CPAMD8: variants seen among roughly 807,000 people sequenced by gnomAD.
The protein encoded by CPAMD8 is C3 and PZP like alpha-2-macroglobulin domain containing 8, also known as C3 and PZP-like alpha-2-macroglobulin domain-containing protein 8.
Under a neutral mutation model 224.7 loss-of-function variants are expected in CPAMD8, and 146 were observed. That is an observed-to-expected ratio of 0.65 (90% CI 0.57 to 0.75). CPAMD8 has a LOEUF of 0.75. Ranked by LOEUF, CPAMD8 falls within the 30% of genes least tolerant of loss-of-function variation. CPAMD8 has a pLI of 0.00. For synonymous variants in CPAMD8, 966 were observed against 1,044.6 expected (o/e 0.92, Z 1.45); for missense variants, 2,301 against 2,537.5 (o/e 0.91, Z 2.00).
At chr19:16,973,637 C>G (rs2055143641) in intron 17 of CPAMD8, among the ~76,000 whole-genome samples, 1 of 151,928 alleles carries the variant, frequency 6.6e-6, no homozygotes, top group African/African-American at 2.4e-5. Flanking sequence ...GCGTGAGACA[C>G]CACACCTGGC....
intron 3 of CPAMD8, among the ~76,000 whole-genome samples, chr19:17,013,880 C>T (rs1289636590): frequency 1.8e-5 from 2 of 113,708 alleles, no homozygotes; most frequent in African/African-American, 2.7e-5. Context: ...GCCTACACTA[C>T]ACAATTCCTT....
chr19:16,932,475 C>T (rs780272710), intron 23 of CPAMD8, among the ~76,000 whole-genome samples: 7 of 152,046 alleles, frequency 4.6e-5, no homozygotes, highest in South Asian at 4.2e-4. Context: ...AAAGAGAACA[C>T]GTAAGAACCA....
intron 11 of CPAMD8, among the ~76,000 whole-genome samples, chr19:16,995,640 A>G (rs2056099232): frequency 6.6e-6 from 1 of 152,198 alleles, no homozygotes; most frequent in African/African-American, 2.4e-5. Flanking sequence ...ACCTCAGGTC[A>G]TCCGCCCACC....
At chr19:16,953,339 CAAA>C (rs80093904) in intron 19 of CPAMD8, among the ~76,000 whole-genome samples, 19 of 94,344 alleles carry the variant, frequency 2.0e-4, no homozygotes, top group African/African-American at 2.5e-4. Context: ...AAGGTACAAG[CAAA>C]AAAAAAAAAA....
chr19:17,021,208 G>A (rs1326620892), intron 2 of CPAMD8, among the ~76,000 whole-genome samples: 1 of 152,210 alleles, frequency 6.6e-6, no homozygotes, highest in Non-Finnish European at 1.5e-5. Flanking sequence ...GGTAGGGGGA[G>A]AAGCTGGCCA....
chr19:16,990,260 A>G (rs2055893622), intron 12 of CPAMD8, among the ~76,000 whole-genome samples: 1 of 152,158 alleles, frequency 6.6e-6, no homozygotes, highest in East Asian at 1.9e-4. Context: ...CTCAAAAAAA[A>G]AAGAAGCAAG....
intron 12 of CPAMD8, among the ~76,000 whole-genome samples, chr19:16,991,866 A>C (rs954904000): frequency 1.3e-5 from 2 of 150,884 alleles, no homozygotes; most frequent in East Asian, 3.9e-4. Flanking sequence ...AAAAAAAAAA[A>C]CAACAGAACA....
intron 26 of CPAMD8, among the ~76,000 whole-genome samples, chr19:16,924,365 A>G (rs1182248597): frequency 6.6e-6 from 1 of 151,912 alleles, no homozygotes; most frequent in Non-Finnish European, 1.5e-5. Flanking sequence ...GCTGTTATTC[A>G]CGAGGAGGGC....
chr19:16,936,330 T>C (rs2053682116), intron 23 of CPAMD8, among the ~76,000 whole-genome samples: 1 of 152,228 alleles, frequency 6.6e-6, no homozygotes, highest in Non-Finnish European at 1.5e-5. Context: ...CATCTTTTTA[T>C]GTGCAATTTG....
Position 16,952,058 on chromosome 19 carries a change from C to A in CPAMD8, c.2419G>T (p.Val807Leu). ...ATGAGAGCGGGGAGCATGAAGTCCA[C>A]GAAGAAGGGCTTGAAGGTCTTCAGC... is the stretch of plus-strand genomic sequence containing the variant. ...SLLKTFKPFF[V>L]DFMLPALIIR... Residue 807 changes from valine (V) to leucine (L), a missense_variant, in exon 20 of 42, where the codon GTG becomes TTG. Transcript: ENST00000443236. 1 of 1,574,310 alleles carries A rather than the reference C, an allele frequency of 6.4e-7. No homozygotes were observed. The highest frequency in any genetic ancestry group is 1.2e-5 in the South Asian group (1 of 86,108).
chr19:16,920,746 C>T (rs886244854), intron 27 of CPAMD8, among the ~76,000 whole-genome samples: 9 of 151,310 alleles, frequency 5.9e-5, no homozygotes, highest in African/African-American at 2.2e-4. Context: ...ATCCTAGCTA[C>T]TCAGGAGGCT....
chr19:17,024,028 C>T (rs1403011573), intron 1 of CPAMD8, among the ~76,000 whole-genome samples: 1 of 152,128 alleles, frequency 6.6e-6, no homozygotes, highest in Non-Finnish European at 1.5e-5. Context: ...TAGAAGAAAA[C>T]AAAGGAGAAA....
At chr19:17,002,893 T>TTCTTC (rs1205988118) in intron 8 of CPAMD8, among the ~76,000 whole-genome samples, 2 of 128,164 alleles carry the variant, frequency 1.6e-5, no homozygotes, top group Non-Finnish European at 3.3e-5. Flanking sequence ...GTTCTTTCTT[T>TTCTTC]TCTTTTCTTT....
intron 3 of CPAMD8, among the ~76,000 whole-genome samples, chr19:17,018,580 A>G (rs367808312): frequency 9.9e-5 from 15 of 152,270 alleles, no homozygotes; most frequent in African/African-American, 3.1e-4. Flanking sequence ...CAGTATCAAA[A>G]CACTGAAAAC....
rs188889650 is a variant in CPAMD8, at chr19:16,973,169, A to C, written c.2070+1928T>G. On this transcript the variant is annotated intron_variant, in intron 17 of 41. Coordinates refer to ENST00000443236, the MANE Select transcript of CPAMD8 (RefSeq NM_015692.5). The stretch of plus-strand genomic sequence containing the variant: ...GGGTGACAAAGTGAGATCTTGTCTC[A>C]AAAAAAGAAAAATAAGAGATTTTTT... Among the ~76,000 whole-genome samples the C allele has an allele frequency of 1.4e-3, 218 of 152,220 alleles. 1 individual carries two copies. The highest frequency in any genetic ancestry group is 5.0e-3 in the African/African-American group (207 of 41,554).
chr19:16,929,185 T>G lies in CPAMD8; in HGVS notation c.2901A>C (p.Pro967=), dbSNP rs747880008. The change falls in exon 24 of 42, where the codon CCA becomes CCC. Residue 967 remains proline, a synonymous_variant. Transcript: ENST00000443236. ...CCACATCAAAGCGGGTGAGGCGCAG[T>G]GGCCGCTGCACATACTGGAACTCAT... ...NKYEFQYVQR[P]LRLTRFDVAV... The G allele has an allele frequency of 6.2e-7, 1 of 1,613,994 alleles. No homozygotes were observed. Among genetic ancestry groups the G allele is most frequent in the Non-Finnish European group, 8.5e-7 (1 of 1,179,964 alleles).
intron 23 of CPAMD8, among the ~76,000 whole-genome samples, chr19:16,937,949 C>T (rs551578341): frequency 3.9e-5 from 6 of 152,228 alleles, no homozygotes; most frequent in Admixed American, 2.6e-4. Flanking sequence ...CTACCGCGCC[C>T]GGCCAACTTT....
chr19:17,007,014 G>C (rs1470830700), intron 7 of CPAMD8, among the ~76,000 whole-genome samples: 2 of 152,158 alleles, frequency 1.3e-5, no homozygotes, highest in Admixed American at 6.6e-5. Context: ...AGTAAAGAAG[G>C]CAGACAGGGA....
rs2144679616 is a variant in CPAMD8, at chr19:16,896,240, G to A, written c.5362C>T (p.Leu1788=). The change falls in exon 41 of 42, where the codon CTG becomes TTG. Residue 1788 remains leucine, a synonymous_variant. Coordinates refer to ENST00000443236, the MANE Select transcript of CPAMD8 (RefSeq NM_015692.5). The part of the protein sequence containing the change: ...APGPLQQDVK[L]NGAGLEVEDS... ...TCCACCTCAAGGCCGGCTCCATTCA[G>A]CTTCACGTCCTGCTGTAAAGGCCCC... is the stretch of plus-strand genomic sequence containing the variant. 6.2e-7 allele frequency: 1 copy of A among 1,613,754 alleles called. No homozygotes were observed. Among genetic ancestry groups the A allele is most frequent in the Non-Finnish European group, 8.5e-7 (1 of 1,180,008 alleles).
Sources: gnomAD v4.1 joint callset for allele counts (sites outside exome capture counted in the v4.1 genomes callset) on GRCh38, gnomAD v4.1.1 for gene constraint, MANE v1.5 for transcripts, NCBI Gene and HGNC (gene_info 2026-07-23, HGNC 2026-07-21) for gene names.